The following NECAB3 variants were observed in gnomAD, a reference collection of about 807,000 sequenced individuals.
The protein encoded by NECAB3 is N-terminal EF-hand calcium binding protein 3, also known as N-terminal EF-hand calcium-binding protein 3.
NECAB3 carries 38 observed loss-of-function variants against 57.2 expected under a neutral mutation model. That is an observed-to-expected ratio of 0.66 (90% confidence interval 0.51 to 0.87). The LOEUF is 0.87. Among genes scored for constraint, NECAB3 ranks in the 40% least tolerant of loss-of-function variants. NECAB3 has a pLI of 0.00. For missense variants in NECAB3, 474 were observed against 527.5 expected (o/e 0.90, Z 0.99); for synonymous variants, 223 against 222.6 (o/e 1.00, Z -0.02).
chr20:33,663,819 C>G (rs1156475541), intron 5 of NECAB3: 2 of 1,413,998 alleles, frequency 1.4e-6, no homozygotes, highest in Non-Finnish European at 1.8e-6. Flanking sequence ...CCGGCCCCGC[C>G]GAGGAGCAGC....
chr20:33,662,619 G>T (rs1298600995), intron 5 of NECAB3: 2 of 939,188 alleles, frequency 2.1e-6, no homozygotes, highest in Admixed American at 2.7e-5. Context: ...TCTCTCCCAA[G>T]GATGAGGATC....
intron 5 of NECAB3, chr20:33,661,981 C>A (rs764589386): frequency 5.8e-6 from 1 of 172,602 alleles, no homozygotes. Flanking sequence ...TTTACAGGAA[C>A]CATAATTGAC....
chr20:33,660,128 C>T lies in NECAB3; in HGVS notation c.525-125G>A. 6.5e-7 allele frequency: 1 copy of T among 1,526,800 alleles called. No homozygotes were observed. Among genetic ancestry groups the T allele is most frequent in the South Asian group, 1.2e-5 (1 of 80,102 alleles). The allele number at this position is 1,526,800 out of a possible 1,614,324, so 94.6% of individuals were successfully genotyped here. On this transcript the variant is annotated intron_variant, in intron 6 of 11. Transcript: ENST00000246190. This position sits in a 1 kb window ranked among gnomAD's most constrained non-coding sequence, Gnocchi z 4.1. ...CAAAGCCAGTCTCATTTCACCCCGC[C>T]ATGGCTACCCTGCCATGGCTTCCCC...
chr20:33,667,638 G>T, intron 5 of NECAB3: 1 of 1,606,628 alleles, frequency 6.2e-7, no homozygotes. Flanking sequence ...GACTGAACGT[G>T]GCAGGCAGCA....
Position 33,659,925 on chromosome 20 carries a change from G to T in NECAB3, c.603C>A (p.Val201=). The change falls in exon 7 of 12, where the codon GTC becomes GTA. Residue 201 remains valine, a synonymous_variant. Transcript: ENST00000246190. ...CGGGGGACCAGGTGGATGACCGGCTGACACTCCTCAGGGCTCGGCGTCCTG... is the reference window on the plus strand; with the variant it reads ...CGGGGGACCAGGTGGATGACCGGCTTACACTCCTCAGGGCTCGGCGTCCTG... The part of the protein sequence containing the change: ...RRAGRRALRS[V]SRSSTWSPGS... 1 of 1,549,874 alleles carries T rather than the reference G, an allele frequency of 6.5e-7. No homozygotes were observed.
chr20:33,664,264 A>C, intron 5 of NECAB3: 4 of 188,668 alleles, frequency 2.1e-5, no homozygotes, highest in East Asian at 1.3e-4. Flanking sequence ...GCATCCAGAA[A>C]TCCCTCTTAG....
chr20:33,659,942 G>A lies in NECAB3; in HGVS notation c.586C>T (p.Arg196Ter), dbSNP rs773780806. 5.2e-6 allele frequency: 8 copies of A among 1,553,318 alleles called. No homozygotes were observed. The highest frequency in any genetic ancestry group is 1.2e-5 in the South Asian group (1 of 84,742). ...RLCGSRRAGR[R>*]ALRSVSRSST... is the part of the protein sequence containing the mutation. ...GACCGGCTGACACTCCTCAGGGCTC[G>A]GCGTCCTGCCCGCCGGCTGCCGCAG... The change falls in exon 7 of 12, where the codon CGA (arginine) becomes TGA (stop). Residue 196 changes from arginine (R) to a stop codon, truncating the protein, a stop_gained. Coordinates refer to ENST00000246190, the MANE Select transcript of NECAB3 (RefSeq NM_031232.4). LOFTEE classifies it high-confidence loss of function.
At chr20:33,663,819 CGAG>C (rs1833870079) in intron 5 of NECAB3, 1 of 1,413,998 alleles carries the variant, frequency 7.1e-7, no homozygotes, top group African/African-American at 1.5e-5. Context: ...CCGGCCCCGC[CGAG>C]GAGCAGCCGC....
chr20:33,659,704 C>A lies in NECAB3; in HGVS notation c.672G>T (p.Trp224Cys). ...CCTGGAGGCGGTTCACCTGGAGCCGCCACTGCATCTCGGCCTCTGAGCTGC... is the reference window on the plus strand; with the variant it reads ...CCTGGAGGCGGTTCACCTGGAGCCGACACTGCATCTCGGCCTCTGAGCTGC... ...TGRSSEAEMQWRLQVNRLQEL... is the reference protein window; with the variant it reads ...TGRSSEAEMQCRLQVNRLQEL... Residue 224 changes from tryptophan (W) to cysteine (C), a missense_variant, in exon 8 of 12, where the codon TGG becomes TGT. Physicochemically the swap from Trp to Cys is radical, Grantham distance 215. Transcript: ENST00000246190. 6.2e-7 allele frequency: 1 copy of A among 1,607,000 alleles called. No individual in the cohort carries two copies. The highest frequency in any genetic ancestry group is 8.5e-7 in the Non-Finnish European group (1 of 1,178,694).
At chr20:33,663,533 C>G (rs757577041) in intron 5 of NECAB3, 4 of 1,609,256 alleles carry the variant, frequency 2.5e-6, no homozygotes, top group Non-Finnish European at 3.4e-6. Flanking sequence ...CACCCCCAGA[C>G]CAGGATCGTG....
chr20:33,657,436 G>A lies in NECAB3; in HGVS notation c.*393C>T, dbSNP rs955671191. 2.2e-5 allele frequency: 5 copies of A among 223,872 alleles called. No individual in the cohort carries two copies. The highest frequency in any genetic ancestry group is 9.1e-5 in the African/African-American group (4 of 44,194). 13.9% of individuals were successfully genotyped at this position (223,872 alleles called of 1,614,324 possible). A position where few individuals can be genotyped will look rare whatever the true frequency, so the allele number is the denominator to read the frequency against. ...CCCTGCTTCTGCCGCTGGCTGAGGA[G>A]GAGCAGAAGCCTGGTCCCAAGACAG... On this transcript the variant is annotated 3_prime_UTR_variant, in exon 12 of 12. Transcript: ENST00000246190.
Position 33,671,605 on chromosome 20 carries a change from G to T in NECAB3, c.154+793C>A, listed in dbSNP as rs376610839. 2.8e-4 allele frequency among the ~76,000 whole-genome samples: 43 copies of T among 152,336 alleles called. No individual in the cohort carries two copies. The East Asian group carries it at 4.6e-3, about 16-fold the overall frequency. ...AAGACCCAGATGAAAGGAGCCCCAG[G>T]CTGACTGCGAAGCTCAGACCCTCCA... On this transcript the variant is annotated intron_variant, in intron 2 of 11. Transcript: ENST00000246190.
At position 33,667,508 on chromosome 20, in the gene NECAB3, C is replaced by T. The variant is rs368924200; in HGVS notation, c.387+1867G>A. The T allele has an allele frequency of 5.9e-6, 9 of 1,520,628 alleles. No homozygotes were observed. The Admixed American group carries it at 5.9e-5, about 10-fold the overall frequency. 94.2% of individuals were successfully genotyped at this position (1,520,628 alleles called of 1,614,324 possible). A position where few individuals can be genotyped will look rare whatever the true frequency, so the allele number is the denominator to read the frequency against. ...GTGCCCGCGTGCCACATGGCTAGCA[C>T]CGCGTTGCTGGCGCTCTGCTCCACC... On this transcript the variant is annotated intron_variant, in intron 5 of 11. Transcript: ENST00000246190.
chr20:33,659,776 T>C (rs2017403145), intron 7 of NECAB3, 44 bp from the exon 8 acceptor site: 1 of 1,539,346 alleles, frequency 6.5e-7, no homozygotes. Context: ...GCCTCTCAGG[T>C]CCCGCAGGTG....
At chr20:33,669,323 C>A in intron 5 of NECAB3, 52 bp downstream of exon 5, 1 of 1,569,094 alleles carries the variant, frequency 6.4e-7, no homozygotes. Flanking sequence ...CACAGCACAG[C>A]AGATGCCCAC....
rs1249877397 is a variant in NECAB3, at chr20:33,670,802, CA to C, written c.155-11del. The C allele has an allele frequency of 1.2e-6, 2 of 1,607,134 alleles. No homozygotes were observed. Among genetic ancestry groups the C allele is most frequent in the South Asian group, 1.1e-5 (1 of 90,902 alleles). ...GAGAGCTTCCCATCATCTGGGGTGG[CA>C]GGGGGAGGACAGGGAGCAGAGGAGG... On this transcript the variant is annotated splice_polypyrimidine_tract_variant and intron_variant, in intron 2 of 11. Coordinates refer to ENST00000246190, the MANE Select transcript of NECAB3 (RefSeq NM_031232.4).
Position 33,660,073 on chromosome 20 carries a change from C to T in NECAB3, c.525-70G>A. The T allele has an allele frequency of 1.3e-6, 2 of 1,528,680 alleles. No individual in the cohort carries two copies. Among genetic ancestry groups the T allele is most frequent in the Non-Finnish European group, 1.8e-6 (2 of 1,137,886 alleles). 94.7% of individuals were successfully genotyped at this position (1,528,680 alleles called of 1,614,324 possible). A position where few individuals can be genotyped will look rare whatever the true frequency, so the allele number is the denominator to read the frequency against. On this transcript the variant is annotated intron_variant, in intron 6 of 11. Coordinates refer to ENST00000246190, the MANE Select transcript of NECAB3 (RefSeq NM_031232.4). The surrounding 1 kb of genome is among the most constrained non-coding windows in gnomAD (Gnocchi z 4.1). ...ACGGGATAAGCCTGGGTGGGGAAGA[C>T]AAGCCTCCTGGGACTCCGAGGCCTA... is the stretch of plus-strand genomic sequence containing the variant.
In NECAB3 at chr20:33,673,373, A is replaced by G. The variant is rs116543997; in HGVS notation, c.129+851T>C. On this transcript the variant is annotated intron_variant, in intron 1 of 11. Transcript: ENST00000246190. Reference sequence around the variant, plus strand: ...GACTCTAACCTCTAGCCTAACTCAGAGAAGGTCTGCCACTGGCTGAGGGGC... The same window carrying G: ...GACTCTAACCTCTAGCCTAACTCAGGGAAGGTCTGCCACTGGCTGAGGGGC... Among the ~76,000 whole-genome samples the G allele has an allele frequency of 4.5e-3, 686 of 152,252 alleles. 6 individuals are homozygous for G. Among genetic ancestry groups the G allele is most frequent in the African/African-American group, 0.016 (668 of 41,554 alleles).
At position 33,672,514 on chromosome 20, in the gene NECAB3, C is replaced by G. The variant is rs915992271; in HGVS notation, c.130-92G>C. ...CCCGACAGGGTCCCAGCTGGCCGAC[C>G]TACCCCCTGCCTCGCCTTTCCTCCC... On this transcript the variant is annotated intron_variant, in intron 1 of 11. Transcript: ENST00000246190. 4.7e-6 allele frequency: 7 copies of G among 1,495,544 alleles called. No individual in the cohort carries two copies. The African/African-American group carries it at 5.5e-5, about 12-fold the overall frequency. The allele number at this position is 1,495,544 out of a possible 1,614,324, so 92.6% of individuals were successfully genotyped here. A position where few individuals can be genotyped will look rare whatever the true frequency, so the allele number is the denominator to read the frequency against.
Sources: allele counts gnomAD v4.1 joint callset (sites outside exome capture counted in the v4.1 genomes callset), GRCh38; gene constraint gnomAD v4.1.1; non-coding constraint Gnocchi (gnomAD v3.1); transcripts MANE v1.5; gene names NCBI Gene and HGNC (gene_info 2026-07-23, HGNC 2026-07-21).